SLC20A2: variants seen among roughly 807,000 people sequenced by gnomAD.
SLC20A2 encodes the protein solute carrier family 20 member 2, also known as sodium-dependent phosphate transporter 2.
In SLC20A2, 30 loss-of-function variants were observed where a neutral mutation model predicts 61.0. That is an observed-to-expected ratio of 0.49 (90% CI 0.37 to 0.67). The LOEUF (loss-of-function observed/expected upper bound fraction) is 0.67. Among genes scored for constraint, SLC20A2 ranks in the 30% least tolerant of loss-of-function variants. The pLI is 0.00. For synonymous variants in SLC20A2, 351 were observed against 353.3 expected, an observed-to-expected ratio of 0.99 and a Z score of 0.07; for missense variants, 626 against 866.4, an observed-to-expected ratio of 0.72 and a Z score of 3.48.
At chr8:42,469,559 C>T (rs1807461116) in intron 2 of SLC20A2, among the ~76,000 whole-genome samples, 1 of 152,170 alleles carries the variant, frequency 6.6e-6, no homozygotes, top group South Asian at 2.1e-4. Context: ...TTCAGCGTGG[C>T]TTCCCTAACA....
At chr8:42,533,323 T>A (rs1812459028) in intron 1 of SLC20A2, among the ~76,000 whole-genome samples, 1 of 152,022 alleles carries the variant, frequency 6.6e-6, no homozygotes, top group African/African-American at 2.4e-5. Context: ...ATTAAAAAAA[T>A]GTGCCTATTG....
rs1408952533 is a variant in SLC20A2 at position 42,437,665 on chromosome 8, G to T, written c.935-88C>A. ...GACGGAGCCTTGCTCTGTCCTCAGG[G>T]TGGAGTACAATGGCGCAATCTCGGC... On this transcript the variant is annotated intron_variant, in intron 7 of 10. Coordinates refer to ENST00000520262, the MANE Select transcript of SLC20A2 (RefSeq NM_001257180.2). The surrounding 1 kb of genome is among the most constrained non-coding windows in gnomAD (Gnocchi z 6.4). 18 of 1,153,862 alleles carry T rather than the reference G, an allele frequency of 1.6e-5. No individual in the cohort carries two copies. The African/African-American group carries it at 2.8e-4, about 18-fold the overall frequency. The allele number at this position is 1,153,862 out of a possible 1,614,324, so 71.5% of individuals were successfully genotyped here. A position where few individuals can be genotyped will look rare whatever the true frequency, so the allele number is the denominator to read the frequency against.
intron 1 of SLC20A2, among the ~76,000 whole-genome samples, chr8:42,526,596 C>A (rs930293210): frequency 6.6e-6 from 1 of 151,360 alleles, no homozygotes; most frequent in Non-Finnish European, 1.5e-5. Context: ...TGGCGTGAAC[C>A]CAGGAGGCAG....
chr8:42,508,337 G>A (rs930802625), intron 1 of SLC20A2, among the ~76,000 whole-genome samples: 5 of 151,298 alleles, frequency 3.3e-5, no homozygotes, highest in Non-Finnish European at 7.4e-5. Context: ...GGATCTTGGA[G>A]GGAGTGGTAT....
At chr8:42,502,638 G>A (rs1810396489), upstream of SLC20A2, 1 of 152,244 alleles carries the variant, frequency 6.6e-6, no homozygotes, top group South Asian at 2.1e-4. Flanking sequence ...CCTAACCTGA[G>A]GCTCTGTGCC....
intron 1 of SLC20A2, among the ~76,000 whole-genome samples, chr8:42,528,750 T>C (rs567748908): frequency 6.6e-6 from 1 of 151,996 alleles, no homozygotes; most frequent in Non-Finnish European, 1.5e-5. Context: ...TACCATAACC[T>C]CTGCCTCCTG....
intron 1 of SLC20A2, among the ~76,000 whole-genome samples, chr8:42,527,103 CA>C (rs754342907): frequency 0.013 from 1,432 of 114,484 alleles, 6 homozygotes; most frequent in African/African-American, 0.033. Flanking sequence ...GAGCCTGTCT[CA>C]AAAAAAAAAA....
rs773833893 is a variant in SLC20A2 at position 42,472,436 on chromosome 8, A to G, written c.-46T>C. On this transcript the variant is annotated 5_prime_UTR_variant, in exon 2 of 11. Transcript: ENST00000520262. The surrounding 1 kb of genome is among the most constrained non-coding windows in gnomAD (Gnocchi z 4.1). ...TACTTTTCTTTTGCAGGAATATTTTAAATAAACAAAGCTTGAGGTTATAAA... is the reference window on the plus strand; with the variant it reads ...TACTTTTCTTTTGCAGGAATATTTTGAATAAACAAAGCTTGAGGTTATAAA... The G allele has an allele frequency of 6.4e-7, 1 of 1,566,190 alleles. No homozygotes were observed. Among genetic ancestry groups the G allele is most frequent in the South Asian group, 1.2e-5 (1 of 86,246 alleles).
At chr8:42,468,035 TGGGACTAC>T (rs1371142110) in intron 2 of SLC20A2, among the ~76,000 whole-genome samples, 1 of 151,910 alleles carries the variant, frequency 6.6e-6, no homozygotes, top group Admixed American at 6.6e-5. Flanking sequence ...CCCGAGTAGC[TGGGACTAC>T]AGGTGCCCGC....
chr8:42,540,516 AATAT>A (rs978395469), intron 1 of SLC20A2, among the ~76,000 whole-genome samples: 6 of 152,210 alleles, frequency 3.9e-5, no homozygotes, highest in African/African-American at 1.4e-4. Flanking sequence ...ATGTATATAC[AATAT>A]ATATAAATAC....
intron 1 of SLC20A2, among the ~76,000 whole-genome samples, chr8:42,473,495 C>G (rs1414098358): frequency 6.6e-6 from 1 of 152,182 alleles, no homozygotes; most frequent in African/African-American, 2.4e-5. Context: ...TCTTCCCCCA[C>G]AGCTGCACAG....
upstream of SLC20A2, among the ~76,000 whole-genome samples, chr8:42,503,758 T>C (rs780924278): frequency 6.6e-5 from 10 of 152,182 alleles, no homozygotes; most frequent in Non-Finnish European, 1.3e-4. Flanking sequence ...ACTATCATAG[T>C]GGAAAGCCAG....
Position 42,463,098 on chromosome 8 carries a change from A to G in SLC20A2, c.431-8T>C. Reference sequence around the variant, plus strand: ...ATATAAACCAAGAAGCAACTGAATAATTAAAAAAAAAATCTAATGAATGTT... The same window carrying G: ...ATATAAACCAAGAAGCAACTGAATAGTTAAAAAAAAAATCTAATGAATGTT... On this transcript the variant is annotated splice_polypyrimidine_tract_variant and splice_region_variant and intron_variant, in intron 3 of 10. Transcript: ENST00000520262. The G allele has an allele frequency of 6.6e-7, 1 of 1,515,110 alleles. No individual in the cohort carries two copies. Among genetic ancestry groups the G allele is most frequent in the Non-Finnish European group, 9.0e-7 (1 of 1,109,946 alleles). The allele number at this position is 1,515,110 out of a possible 1,614,324, so 93.9% of individuals were successfully genotyped here. A position where few individuals can be genotyped will look rare whatever the true frequency, so the allele number is the denominator to read the frequency against.
At chr8:42,505,401 G>A (rs895231546), upstream of SLC20A2, among the ~76,000 whole-genome samples, 1 of 152,162 alleles carries the variant, frequency 6.6e-6, no homozygotes, top group South Asian at 2.1e-4. Context: ...CCAAAGTGCT[G>A]GGATTACAGG....
intron 5 of SLC20A2, among the ~76,000 whole-genome samples, chr8:42,448,799 G>C (rs954770794): frequency 1.3e-5 from 2 of 152,214 alleles, no homozygotes; most frequent in Admixed American, 1.3e-4. Context: ...AGGGGGAGCA[G>C]AATGGGGACA....
intron 1 of SLC20A2, among the ~76,000 whole-genome samples, chr8:42,483,686 C>T (rs911100389): frequency 6.6e-6 from 1 of 152,236 alleles, no homozygotes; most frequent in African/African-American, 2.4e-5. Context: ...TAGGTATTTT[C>T]TTCACTCATA....
At chr8:42,509,782 G>A (rs1810929496) in intron 1 of SLC20A2, among the ~76,000 whole-genome samples, 1 of 151,892 alleles carries the variant, frequency 6.6e-6, no homozygotes, top group African/African-American at 2.4e-5. Context: ...AAAACAAAAA[G>A]ATGCTAGGCT....
intron 1 of SLC20A2, among the ~76,000 whole-genome samples, chr8:42,511,339 T>G (rs1367408768): frequency 6.6e-6 from 1 of 152,098 alleles, no homozygotes; most frequent in East Asian, 1.9e-4. Flanking sequence ...TAAGAAGTGG[T>G]CACTTTTGGC....
At chr8:42,519,893 G>A (rs1367059720) in intron 1 of SLC20A2, among the ~76,000 whole-genome samples, 1 of 151,742 alleles carries the variant, frequency 6.6e-6, no homozygotes, top group Non-Finnish European at 1.5e-5. Flanking sequence ...AACATATTAG[G>A]ACCCCAAACA....
Sources: gnomAD v4.1 joint callset for allele counts (sites outside exome capture counted in the v4.1 genomes callset) on GRCh38, gnomAD v4.1.1 for gene constraint, Gnocchi (gnomAD v3.1) non-coding constraint, MANE v1.5 for transcripts, NCBI Gene and HGNC (gene_info 2026-07-23, HGNC 2026-07-21) for gene names.